The following SLC35F3 variants were observed in gnomAD, a reference collection of about 807,000 sequenced individuals.
SLC35F3 encodes solute carrier family 35 member F3.
SLC35F3 carries 25 observed loss-of-function variants against 49.9 expected under a neutral mutation model. The observed-to-expected ratio is 0.50, with a 90% CI of 0.37 to 0.70. The LOEUF is 0.70. Among genes scored for constraint, SLC35F3 ranks in the 30% least tolerant of loss-of-function variants. SLC35F3 has a pLI of 0.00. For synonymous variants in SLC35F3, 275 were observed against 265.4 expected (o/e 1.04, Z -0.35); for missense variants, 525 against 639.8 (o/e 0.82, Z 1.94).
rs879003070 is a variant in SLC35F3, at chr1:234,316,461, T to G, written c.829-141T>G. Reference sequence around the variant, plus strand: ...AGGAGTCAGACTTTGCCTGTTGCTCTCCCAAGGAGGAACAAAAAGGAGACA... The same window carrying G: ...AGGAGTCAGACTTTGCCTGTTGCTCGCCCAAGGAGGAACAAAAAGGAGACA... On this transcript the variant is annotated intron_variant, in intron 4 of 7. Transcript: ENST00000366618. 29 of 1,136,116 alleles carry G rather than the reference T, an allele frequency of 2.6e-5. 1 individual carries two copies. The South Asian group carries it at 5.2e-4, about 21-fold the overall frequency. 70.4% of individuals were successfully genotyped at this position (1,136,116 alleles called of 1,614,324 possible).
In SLC35F3 at chr1:233,964,659, G is replaced by A. The variant is rs1227902103; in HGVS notation, c.283+58901G>A. On this transcript the variant is annotated intron_variant, in intron 2 of 7. Coordinates refer to ENST00000366618, the MANE Select transcript of SLC35F3 (RefSeq NM_173508.4). ...AAGAGCTAAACAATGGGAGAAGTCA[G>A]TTGTTAGTGGATGAGCTACAGACAG... 4.6e-5 allele frequency among the ~76,000 whole-genome samples: 7 copies of A among 152,252 alleles called. No homozygotes were observed. In the East Asian group the frequency reaches 9.6e-4, roughly 21 times the overall value.
At chr1:234,055,964 C>G (rs1351946331) in intron 2 of SLC35F3, among the ~76,000 whole-genome samples, 2 of 152,180 alleles carry the variant, frequency 1.3e-5, no homozygotes, top group Non-Finnish European at 2.9e-5. Context: ...AGAAAACTTA[C>G]TGAACTCTTG....
intron 2 of SLC35F3, among the ~76,000 whole-genome samples, chr1:233,933,986 C>T (rs1283410488): frequency 1.3e-5 from 2 of 152,178 alleles, no homozygotes; most frequent in Non-Finnish European, 2.9e-5. Flanking sequence ...ATTCACTCCT[C>T]TTTGTTTTCT....
chr1:234,008,544 A>G (rs1572017696), intron 2 of SLC35F3, among the ~76,000 whole-genome samples: 1 of 152,186 alleles, frequency 6.6e-6, no homozygotes, highest in African/African-American at 2.4e-5. Flanking sequence ...TTTCTGCACT[A>G]CAGAAAGTTC....
chr1:234,121,923 A>G (rs778721396), intron 2 of SLC35F3, among the ~76,000 whole-genome samples: 1 of 151,332 alleles, frequency 6.6e-6, no homozygotes, highest in Non-Finnish European at 1.5e-5. Context: ...ATAGTATTCC[A>G]TGGTGTATAT....
intron 2 of SLC35F3, among the ~76,000 whole-genome samples, chr1:234,091,305 A>C (rs1665040995): frequency 6.6e-6 from 1 of 151,946 alleles, no homozygotes; most frequent in South Asian, 2.1e-4. Context: ...CTGTCTGTTT[A>C]CTCTCAGTCC....
At chr1:234,203,444 G>T (rs1323580265) in intron 2 of SLC35F3, among the ~76,000 whole-genome samples, 1 of 152,122 alleles carries the variant, frequency 6.6e-6, no homozygotes, top group Non-Finnish European at 1.5e-5. Context: ...CAGGCGCAAG[G>T]GCTCATGCCT....
chr1:234,124,078 C>T (rs933406411), intron 2 of SLC35F3, among the ~76,000 whole-genome samples: 3 of 152,146 alleles, frequency 2.0e-5, no homozygotes, highest in Non-Finnish European at 4.4e-5. Context: ...GATATGATAT[C>T]GTAGAGGACA....
At chr1:234,268,950 GAC>G (rs1362073468) in intron 3 of SLC35F3, 1 of 152,070 alleles carries the variant, frequency 6.6e-6, no homozygotes, top group Non-Finnish European at 1.5e-5. Flanking sequence ...TACACACACA[GAC>G]ACATATATAG....
chr1:234,216,293 G>C (rs1667119699), intron 2 of SLC35F3, among the ~76,000 whole-genome samples: 1 of 152,336 alleles, frequency 6.6e-6, no homozygotes, highest in African/African-American at 2.4e-5. Flanking sequence ...TCCAGCAGCA[G>C]GGGGTCTCCC....
At chr1:234,232,869 C>T (rs887503374) in intron 3 of SLC35F3, among the ~76,000 whole-genome samples, 3 of 152,180 alleles carry the variant, frequency 2.0e-5, no homozygotes, top group African/African-American at 7.2e-5. Context: ...AAACTTGTAG[C>T]TGGAAGTACG....
At chr1:234,276,991 T>C (rs1031912310) in intron 3 of SLC35F3, among the ~76,000 whole-genome samples, 1 of 152,164 alleles carries the variant, frequency 6.6e-6, no homozygotes, top group Non-Finnish European at 1.5e-5. Context: ...TTGGGGGTGT[T>C]CCTCTTCCCC....
intron 2 of SLC35F3, among the ~76,000 whole-genome samples, chr1:234,002,835 A>G (rs1663573915): frequency 6.6e-6 from 1 of 152,056 alleles, no homozygotes; most frequent in Admixed American, 6.6e-5. Flanking sequence ...GTATTTATTC[A>G]TTTACTTATG....
At chr1:234,166,366 G>A (rs758257739) in intron 2 of SLC35F3, among the ~76,000 whole-genome samples, 1 of 152,212 alleles carries the variant, frequency 6.6e-6, no homozygotes, top group African/African-American at 2.4e-5. Context: ...CTTACTTGGT[G>A]TTGTACGTTC....
intron 2 of SLC35F3, among the ~76,000 whole-genome samples, chr1:233,925,634 T>C (rs1226183495): frequency 6.6e-6 from 1 of 152,200 alleles, no homozygotes; most frequent in Admixed American, 6.5e-5. Flanking sequence ...CCATTTACAT[T>C]CAAGGTTAAT....
At chr1:234,203,193 A>G (rs1483724617) in intron 2 of SLC35F3, among the ~76,000 whole-genome samples, 2 of 152,252 alleles carry the variant, frequency 1.3e-5, no homozygotes, top group African/African-American at 4.8e-5. Context: ...TTGTTGCTTT[A>G]ATAAATATAC....
intron 2 of SLC35F3, among the ~76,000 whole-genome samples, chr1:234,052,624 G>C (rs554296922): frequency 6.6e-6 from 1 of 151,856 alleles, no homozygotes; most frequent in Non-Finnish European, 1.5e-5. Context: ...AGGTTTTTTT[G>C]TGTCTCTATT....
chr1:234,153,593 T>G (rs183121274), intron 2 of SLC35F3, among the ~76,000 whole-genome samples: 44 of 152,326 alleles, frequency 2.9e-4, no homozygotes, highest in African/African-American at 1.0e-3. Flanking sequence ...TGAGCAATTA[T>G]GATATACTGT....
chr1:234,001,579 A>C (rs1425610481), intron 2 of SLC35F3, among the ~76,000 whole-genome samples: 1 of 152,046 alleles, frequency 6.6e-6, no homozygotes, highest in Non-Finnish European at 1.5e-5. Context: ...GGTAGGTGTC[A>C]CTCCCCTTTT....
Sources: gnomAD v4.1 joint callset for allele counts (sites outside exome capture counted in the v4.1 genomes callset) on GRCh38, gnomAD v4.1.1 for gene constraint, MANE v1.5 for transcripts, NCBI Gene and HGNC (gene_info 2026-07-23, HGNC 2026-07-21) for gene names.